CDC42BPA: variants seen among roughly 807,000 people sequenced by gnomAD.
The protein encoded by CDC42BPA is serine/threonine-protein kinase MRCK alpha.
A neutral mutation model predicts 223.5 loss-of-function variants in CDC42BPA; 80 were observed. The observed-to-expected ratio is 0.36, with a 90% CI of 0.30 to 0.43. The LOEUF is 0.43. Among genes scored for constraint, CDC42BPA ranks in the 20% least tolerant of loss-of-function variants. The probability of loss-of-function intolerance (pLI) is 1.00; values close to 1 mark genes in which losing one functional copy is unlikely to be tolerated. For missense variants in CDC42BPA, 1,743 were observed against 2,099.9 expected, an observed-to-expected ratio of 0.83 and a Z score of 3.32; for synonymous variants, 694 against 718.6, an observed-to-expected ratio of 0.97 and a Z score of 0.55.
chr1:227,264,775 A>G, intron 1 of CDC42BPA: 1 of 995,074 alleles, frequency 1.0e-6, no homozygotes, highest in East Asian at 2.4e-5. Context: ...CAAGCTTTAA[A>G]GAATCTTCCA....
At position 227,249,066 on chromosome 1, in the gene CDC42BPA, T is replaced by C. The variant is rs115808733; in HGVS notation, c.270+4998A>G. Among the ~76,000 whole-genome samples the C allele has an allele frequency of 9.7e-3, 1,480 of 152,290 alleles. 23 individuals carry two copies. The highest frequency in any genetic ancestry group is 0.034 in the African/African-American group (1,404 of 41,568). The stretch of plus-strand genomic sequence containing the variant: ...CAGAGCTACAGTAACCAAACTAGCA[T>C]GGTACTGACATAAAAACAGACACAT... On this transcript the variant is annotated intron_variant, in intron 2 of 36. Coordinates refer to ENST00000366766, the MANE Select transcript of CDC42BPA (RefSeq NM_001394014.1).
chr1:227,224,380 C>T (rs562497510), intron 2 of CDC42BPA, among the ~76,000 whole-genome samples: 3 of 151,870 alleles, frequency 2.0e-5, no homozygotes, highest in South Asian at 2.1e-4. Flanking sequence ...ATTACAGGTG[C>T]GTGCCACCAC....
rs1400071060 is a variant in CDC42BPA at position 226,994,384 on chromosome 1, T to C, written c.5149A>G (p.Arg1717Gly). 1 of 1,567,178 alleles carries C rather than the reference T, an allele frequency of 6.4e-7. No individual in the cohort carries two copies. The highest frequency in any genetic ancestry group is 1.7e-4 in the Middle Eastern group (1 of 5,936). ...GAACTGTTGGAAGCTGTGGAATGCC[T>C]CGGAGAGTCAGAGTCCTGTAAGGCC... ...DFDGEDSDSP[R>G]HSTASNSSNL... Residue 1717 changes from arginine (R) to glycine (G), a missense_variant, in exon 37 of 37, where the codon AGG becomes GGG. By Grantham distance (125) the Arg-to-Gly change is moderately radical. Transcript: ENST00000366766. The surrounding 1 kb of genome is among the most constrained non-coding windows in gnomAD (Gnocchi z 4.0).
At chr1:227,273,631 T>C (rs936464739) in intron 1 of CDC42BPA, among the ~76,000 whole-genome samples, 3 of 151,314 alleles carry the variant, frequency 2.0e-5, no homozygotes, top group African/African-American at 4.9e-5. Context: ...GTTCAACTTA[T>C]AAGGAAAAGA....
chr1:227,223,002 A>G (rs1248176502), intron 2 of CDC42BPA, among the ~76,000 whole-genome samples: 1 of 152,224 alleles, frequency 6.6e-6, no homozygotes, highest in Non-Finnish European at 1.5e-5. Context: ...AGACAGTACC[A>G]TAACAGTACT....
At chr1:227,054,179 C>T (rs920531437) in intron 21 of CDC42BPA, among the ~76,000 whole-genome samples, 8 of 152,124 alleles carry the variant, frequency 5.3e-5, no homozygotes, top group African/African-American at 1.2e-4. Context: ...ACACAAAATG[C>T]GAAGTTCCTG....
intron 1 of CDC42BPA, among the ~76,000 whole-genome samples, chr1:227,300,771 T>A (rs1311431910): frequency 6.6e-6 from 1 of 152,204 alleles, no homozygotes; most frequent in Non-Finnish European, 1.5e-5. Flanking sequence ...ACTTCACCAC[T>A]ATACAATTCA....
Position 227,317,605 on chromosome 1 carries a change from G to T in CDC42BPA, c.-423C>A. 1 of 397,314 alleles carries T rather than the reference G, an allele frequency of 2.5e-6. No homozygotes were observed. The highest frequency in any genetic ancestry group is 4.4e-6 in the Non-Finnish European group (1 of 225,898). 24.6% of individuals were successfully genotyped at this position (397,314 alleles called of 1,614,324 possible). ...TCCGGTTGCATCATTAATGAATAAA[G>T]TCCGATTTGCATCAGCAATTCACTT... On this transcript the variant is annotated 5_prime_UTR_variant, in exon 1 of 37. Coordinates refer to ENST00000366766, the MANE Select transcript of CDC42BPA (RefSeq NM_001394014.1).
chr1:227,277,558 G>A (rs1193354402), intron 1 of CDC42BPA, among the ~76,000 whole-genome samples: 2 of 152,146 alleles, frequency 1.3e-5, no homozygotes, highest in Non-Finnish European at 2.9e-5. Context: ...ATCAAGATGA[G>A]TTTAATCCAG....
At chr1:227,074,113 C>T (rs1030058617) in intron 18 of CDC42BPA, 101 bp from the exon 19 acceptor site, 2 of 1,424,702 alleles carry the variant, frequency 1.4e-6, no homozygotes, top group Admixed American at 4.2e-5. Flanking sequence ...CTGGAAAAGA[C>T]CCAAACTAAT....
At chr1:226,999,046 C>A (rs1662237117) in intron 35 of CDC42BPA, among the ~76,000 whole-genome samples, 1 of 152,136 alleles carries the variant, frequency 6.6e-6, no homozygotes, top group African/African-American at 2.4e-5. Flanking sequence ...CAAAAAAAAG[C>A]TCATCATCAC....
At chr1:227,194,044 C>T (rs1670247593) in intron 4 of CDC42BPA, 110 bp from the exon 5 acceptor site, 3 of 607,694 alleles carry the variant, frequency 4.9e-6, no homozygotes, top group Admixed American at 7.2e-5. Context: ...CAGTTAATTA[C>T]ATATGCTGCT....
chr1:227,024,938 A>C (rs1213917558), intron 31 of CDC42BPA, among the ~76,000 whole-genome samples: 1 of 152,186 alleles, frequency 6.6e-6, no homozygotes, highest in African/African-American at 2.4e-5. Flanking sequence ...CATTGCAAAA[A>C]TTACATGATA....
intron 28 of CDC42BPA, 81 bp from the exon 29 acceptor site, chr1:227,030,551 G>A (rs374826865): frequency 9.7e-6 from 8 of 821,394 alleles, no homozygotes; most frequent in East Asian, 2.7e-5. Flanking sequence ...AAGAACATTT[G>A]GTGCAAAAAA....
At chr1:227,105,822 C>A (rs1280304892) in intron 14 of CDC42BPA, among the ~76,000 whole-genome samples, 1 of 152,114 alleles carries the variant, frequency 6.6e-6, no homozygotes, top group Admixed American at 6.6e-5. Flanking sequence ...TATTTATATA[C>A]CACATTTTCT....
At chr1:227,054,880 T>G (rs532334756) in intron 21 of CDC42BPA, among the ~76,000 whole-genome samples, 41 of 152,128 alleles carry the variant, frequency 2.7e-4, no homozygotes, top group Admixed American at 1.3e-3. Flanking sequence ...TTTTTAGAAC[T>G]ATATACTCTT....
intron 32 of CDC42BPA, among the ~76,000 whole-genome samples, chr1:227,022,365 G>C (rs1446593925): frequency 2.0e-5 from 3 of 152,016 alleles, no homozygotes; most frequent in African/African-American, 7.2e-5. Context: ...CCCAGGAGAA[G>C]GAGGATGCAG....
At chr1:227,299,270 T>TA (rs1380821663) in intron 1 of CDC42BPA, among the ~76,000 whole-genome samples, 1 of 152,108 alleles carries the variant, frequency 6.6e-6, no homozygotes, top group Admixed American at 6.6e-5. Context: ...AATTGTCTGT[T>TA]AAAAAACTAA....
intron 1 of CDC42BPA, among the ~76,000 whole-genome samples, chr1:227,305,363 C>T (rs1465403391): frequency 6.6e-6 from 1 of 152,012 alleles, no homozygotes; most frequent in Non-Finnish European, 1.5e-5. Flanking sequence ...TACTCTTATT[C>T]TTTACATTAA....
Sources: gnomAD v4.1 joint callset for allele counts (sites outside exome capture counted in the v4.1 genomes callset) on GRCh38, gnomAD v4.1.1 for gene constraint, Gnocchi (gnomAD v3.1) non-coding constraint, MANE v1.5 for transcripts, NCBI Gene and HGNC (gene_info 2026-07-23, HGNC 2026-07-21) for gene names.